NPAS3: variants seen among roughly 807,000 people sequenced by gnomAD.
NPAS3 encodes neuronal PAS domain-containing protein 3.
In NPAS3, 14 loss-of-function variants were observed where a neutral mutation model predicts 73.1. The ratio of observed to expected loss-of-function variants is 0.19; its 90% CI spans 0.13 to 0.30. NPAS3 has a LOEUF of 0.30. Ranked by LOEUF, NPAS3 falls within the 10% of genes least tolerant of loss-of-function variation. The probability of loss-of-function intolerance (pLI) is 1.00; values close to 1 mark genes in which losing one functional copy is unlikely to be tolerated. For synonymous variants in NPAS3, 620 were observed against 541.5 expected, an observed-to-expected ratio of 1.14 and a Z score of -2.01; for missense variants, 1,096 against 1,250.0, an observed-to-expected ratio of 0.88 and a Z score of 1.86.
intron 2 of NPAS3, among the ~76,000 whole-genome samples, chr14:33,105,846 G>A (rs2138922350): frequency 6.6e-6 from 1 of 152,266 alleles, no homozygotes; most frequent in East Asian, 1.9e-4. Context: ...TAAGATTGAT[G>A]GGTTGACATG....
intron 6 of NPAS3, among the ~76,000 whole-genome samples, chr14:33,679,219 G>A (rs1289001584): frequency 6.6e-6 from 1 of 152,130 alleles, no homozygotes. Context: ...CACCAGTAGA[G>A]AACGTTAAGC....
chr14:33,799,422 C>A (rs938318589), intron 11 of NPAS3, among the ~76,000 whole-genome samples: 11 of 152,166 alleles, frequency 7.2e-5, no homozygotes, highest in Admixed American at 2.0e-4. Context: ...GGGTCATATT[C>A]CAACGCAGAA....
At chr14:33,557,984 A>C (rs1475289026) in intron 4 of NPAS3, among the ~76,000 whole-genome samples, 1 of 152,192 alleles carries the variant, frequency 6.6e-6, no homozygotes, top group Non-Finnish European at 1.5e-5. Context: ...AATAAAAAAA[A>C]TGTAGATAAT....
At chr14:33,320,376 C>CATGT (rs1202646661) in intron 3 of NPAS3, among the ~76,000 whole-genome samples, 2 of 152,090 alleles carry the variant, frequency 1.3e-5, no homozygotes, top group East Asian at 3.9e-4. Context: ...CAACATGGCA[C>CATGT]ATGTATACAT....
chr14:33,796,586 A>G (rs1211454483), intron 10 of NPAS3, among the ~76,000 whole-genome samples: 3 of 152,274 alleles, frequency 2.0e-5, no homozygotes, highest in East Asian at 3.9e-4. Context: ...GGAAAAATCG[A>G]AGAGGCATTT....
At chr14:33,095,225 T>C (rs961590339) in intron 2 of NPAS3, among the ~76,000 whole-genome samples, 3 of 152,184 alleles carry the variant, frequency 2.0e-5, no homozygotes, top group African/African-American at 7.2e-5. Flanking sequence ...AGGAGTGCAA[T>C]GAGTGTGTGT....
intron 1 of NPAS3, among the ~76,000 whole-genome samples, chr14:32,972,130 G>T: frequency 6.6e-6 from 1 of 151,878 alleles, no homozygotes; most frequent in African/African-American, 2.4e-5. Flanking sequence ...AGTGGAGACA[G>T]AGTTTCACCA....
Position 33,311,145 on chromosome 14 carries a change from T to A in NPAS3, c.386-56041T>A, listed in dbSNP as rs981348233. On this transcript the variant is annotated intron_variant, in intron 3 of 11. Transcript: ENST00000356141. ...AGTGTCACAGAATATTTTTGTTGAG[T>A]TTTCCTCTTGCCTTTTGGGGTATTC... Among the ~76,000 whole-genome samples, 7 of 152,078 alleles carry A rather than the reference T, an allele frequency of 4.6e-5. No individual in the cohort carries two copies. The East Asian group carries it at 1.4e-3, about 29-fold the overall frequency.
intron 3 of NPAS3, among the ~76,000 whole-genome samples, chr14:33,308,987 A>T (rs2140185104): frequency 6.6e-6 from 1 of 152,294 alleles, no homozygotes; most frequent in East Asian, 1.9e-4. Context: ...AAAGAAAAAC[A>T]TACTAAAAGG....
chr14:33,366,263 A>AT (rs1237335364), intron 3 of NPAS3, among the ~76,000 whole-genome samples: 2 of 151,952 alleles, frequency 1.3e-5, no homozygotes, highest in Non-Finnish European at 2.9e-5. Flanking sequence ...ACTCCATTAA[A>AT]TTTTTTTAAA....
chr14:33,659,654 T>C (rs776747387), intron 5 of NPAS3, among the ~76,000 whole-genome samples: 2 of 152,140 alleles, frequency 1.3e-5, no homozygotes, highest in Non-Finnish European at 2.9e-5. Context: ...CATTAGATTG[T>C]AAGGAAGGGC....
chr14:33,676,124 A>C (rs2059756983), intron 5 of NPAS3, 87 bp from the exon 6 acceptor site: 4 of 1,333,286 alleles, frequency 3.0e-6, no homozygotes, highest in African/African-American at 3.0e-5. Context: ...TTTCTTTTCT[A>C]CTCAGAATCT....
At chr14:33,630,150 C>G (rs2058338438) in intron 5 of NPAS3, among the ~76,000 whole-genome samples, 1 of 152,142 alleles carries the variant, frequency 6.6e-6, no homozygotes, top group Non-Finnish European at 1.5e-5. Context: ...AGAGAAAGCA[C>G]CATTTAGACC....
At chr14:33,098,533 G>T (rs182509093) in intron 2 of NPAS3, among the ~76,000 whole-genome samples, 107 of 152,272 alleles carry the variant, frequency 7.0e-4, no homozygotes, top group African/African-American at 2.5e-3. Context: ...GCCCAAAGAA[G>T]TCACACAGCT....
At chr14:33,759,966 C>T (rs2062232423) in intron 7 of NPAS3, among the ~76,000 whole-genome samples, 1 of 152,164 alleles carries the variant, frequency 6.6e-6, no homozygotes, top group East Asian at 1.9e-4. Flanking sequence ...ATCAAGACTT[C>T]CTTAGTACAC....
At chr14:33,058,503 A>G (rs1216863691) in intron 2 of NPAS3, among the ~76,000 whole-genome samples, 1 of 152,212 alleles carries the variant, frequency 6.6e-6, no homozygotes, top group African/African-American at 2.4e-5. Context: ...GAATAGATAC[A>G]GACAAATGAC....
intron 4 of NPAS3, among the ~76,000 whole-genome samples, chr14:33,476,598 AT>A (rs1452297365): frequency 6.6e-6 from 1 of 152,032 alleles, no homozygotes; most frequent in South Asian, 2.1e-4. Flanking sequence ...ATTTATGAGT[AT>A]TTTTTTATTC....
chr14:33,101,720 A>G (rs1273682648), intron 2 of NPAS3, among the ~76,000 whole-genome samples: 1 of 152,096 alleles, frequency 6.6e-6, no homozygotes, highest in Non-Finnish European at 1.5e-5. Flanking sequence ...TATTATGCTT[A>G]ATATGCCCTA....
At chr14:33,542,824 A>G (rs1321811823) in intron 4 of NPAS3, among the ~76,000 whole-genome samples, 1 of 152,224 alleles carries the variant, frequency 6.6e-6, no homozygotes, top group Non-Finnish European at 1.5e-5. Context: ...CACAGAGAGC[A>G]AGAGATACTC....
Sources: gnomAD v4.1 joint callset for allele counts (sites outside exome capture counted in the v4.1 genomes callset) on GRCh38, gnomAD v4.1.1 for gene constraint, MANE v1.5 for transcripts, NCBI Gene and HGNC (gene_info 2026-07-23, HGNC 2026-07-21) for gene names.